The following BMPER variants were observed in gnomAD, a reference collection of about 807,000 sequenced individuals.
BMPER encodes the protein BMP-binding endothelial regulator protein.
BMPER carries 45 observed loss-of-function variants against 87.3 expected under a neutral mutation model. The observed-to-expected ratio is 0.52, with a 90% CI of 0.41 to 0.66. The LOEUF is 0.66. BMPER is among the 30% of genes least tolerant of loss of function. The pLI is 0.00. For synonymous variants in BMPER, 326 were observed against 316.2 expected (o/e 1.03, Z -0.33); for missense variants, 784 against 867.5 (o/e 0.90, Z 1.21).
intron 12 of BMPER, among the ~76,000 whole-genome samples, chr7:34,082,532 G>A (rs1458736817): frequency 6.6e-6 from 1 of 152,074 alleles, no homozygotes; most frequent in Non-Finnish European, 1.5e-5. Context: ...ATAATGGCAA[G>A]GAGAAAGAGG....
intron 6 of BMPER, among the ~76,000 whole-genome samples, chr7:34,040,034 T>C (rs1047881332): frequency 6.6e-6 from 1 of 151,944 alleles, no homozygotes; most frequent in African/African-American, 2.4e-5. Context: ...CCACCACCTC[T>C]AGGGTCGGGG....
At chr7:34,068,225 G>C (rs748470755) in intron 11 of BMPER, among the ~76,000 whole-genome samples, 4 of 152,190 alleles carry the variant, frequency 2.6e-5, no homozygotes, top group Non-Finnish European at 4.4e-5. Context: ...GAGGCTTAGA[G>C]GTTAAGAAGG....
rs543965094 is a variant in BMPER at position 34,126,599 on chromosome 7, T to C, written c.1746-16631T>C. ...TGTGCTGTAGTTGGAAATATATAGG[T>C]GAGAAATTACAACTTTTCCTATTGA... On this transcript the variant is annotated intron_variant, in intron 13 of 14. Transcript: ENST00000649409. 8.3e-4 allele frequency among the ~76,000 whole-genome samples: 127 copies of C among 152,312 alleles called. 2 individuals carry two copies. Among genetic ancestry groups the C allele is most frequent in the African/African-American group, 2.8e-3 (116 of 41,558 alleles).
At chr7:33,912,006 C>T (rs780406633) in intron 2 of BMPER, among the ~76,000 whole-genome samples, 1 of 152,188 alleles carries the variant, frequency 6.6e-6, no homozygotes, top group Admixed American at 6.5e-5. Context: ...GTGAGTTTTT[C>T]TGTCCCTCCA....
intron 3 of BMPER, among the ~76,000 whole-genome samples, chr7:33,942,245 T>C (rs1267001369): frequency 6.6e-6 from 1 of 152,200 alleles, no homozygotes; most frequent in Admixed American, 6.5e-5. Flanking sequence ...GAATGCAGAT[T>C]CCTGGGGCTT....
At chr7:34,129,380 T>C (rs1790488220) in intron 13 of BMPER, among the ~76,000 whole-genome samples, 1 of 151,684 alleles carries the variant, frequency 6.6e-6, no homozygotes, top group East Asian at 1.9e-4. Flanking sequence ...TGCACACTTA[T>C]AGTCCCAGCT....
intron 14 of BMPER, among the ~76,000 whole-genome samples, chr7:34,148,928 G>A (rs1010665858): frequency 6.6e-6 from 1 of 152,216 alleles, no homozygotes; most frequent in Non-Finnish European, 1.5e-5. Flanking sequence ...AGGGCAAGGT[G>A]AGTTCTGAAA....
chr7:33,950,060 CTTTGT>C (rs1784984064), intron 3 of BMPER, among the ~76,000 whole-genome samples: 1 of 152,134 alleles, frequency 6.6e-6, no homozygotes, highest in South Asian at 2.1e-4. Flanking sequence ...TATTCCTGGG[CTTTGT>C]TTTTTAGATT....
chr7:34,097,765 G>A lies in BMPER; in HGVS notation c.1745+11673G>A, dbSNP rs147103240. On this transcript the variant is annotated intron_variant, in intron 13 of 14. Coordinates refer to ENST00000649409, the MANE Select transcript of BMPER (RefSeq NM_001365308.1). ...CCAGATTCCTTTGGGTCACCAAGAG[G>A]ACTTAATTTTCTGAGTCCCTGTTCA... 3.2e-3 allele frequency among the ~76,000 whole-genome samples: 493 copies of A among 152,178 alleles called. 1 individual carries two copies. The highest frequency in any genetic ancestry group is 0.017 in the Middle Eastern group (5 of 294).
intron 11 of BMPER, among the ~76,000 whole-genome samples, chr7:34,074,600 A>G (rs1346105948): frequency 2.6e-5 from 4 of 152,196 alleles, no homozygotes; most frequent in Non-Finnish European, 5.9e-5. Flanking sequence ...TTTGGACTGA[A>G]AAGGTTTAAA....
intron 6 of BMPER, among the ~76,000 whole-genome samples, chr7:33,980,629 C>T (rs1305375773): frequency 6.6e-6 from 1 of 152,188 alleles, no homozygotes; most frequent in African/African-American, 2.4e-5. Flanking sequence ...ACCCCAGGGG[C>T]TCAGTGTTCT....
At chr7:34,021,404 A>G (rs1172597082) in intron 6 of BMPER, among the ~76,000 whole-genome samples, 1 of 152,082 alleles carries the variant, frequency 6.6e-6, no homozygotes, top group Non-Finnish European at 1.5e-5. Flanking sequence ...TTATGTAGTC[A>G]TGACCCTAAG....
intron 6 of BMPER, among the ~76,000 whole-genome samples, chr7:33,999,049 A>G (rs530390761): frequency 6.8e-4 from 104 of 152,350 alleles, no homozygotes; most frequent in African/African-American, 2.5e-3. Flanking sequence ...AAAGTTGGCA[A>G]TGACTATAAA....
intron 13 of BMPER, among the ~76,000 whole-genome samples, chr7:34,096,887 C>A (rs548442893): frequency 3.9e-5 from 6 of 152,232 alleles, no homozygotes; most frequent in South Asian, 4.2e-4. Context: ...AGCATAGATT[C>A]TTTTACAGTT....
chr7:34,050,067 A>G (rs1788107167), intron 7 of BMPER, among the ~76,000 whole-genome samples: 2 of 152,200 alleles, frequency 1.3e-5, no homozygotes, highest in African/African-American at 4.8e-5. Flanking sequence ...TATTTAGGGA[A>G]AGAATGAATT....
At position 34,055,407 on chromosome 7, in the gene BMPER, A is replaced by G; in HGVS notation, c.927+104A>G. The G allele has an allele frequency of 7.8e-6, 11 of 1,415,368 alleles. No homozygotes were observed. The South Asian group carries it at 1.3e-4, about 16-fold the overall frequency. The allele number at this position is 1,415,368 out of a possible 1,614,324, so 87.7% of individuals were successfully genotyped here. ...GGGTTATCCCATAATTTCTATATAC[A>G]TATACAAATGTATATGTGTGCATAT... On this transcript the variant is annotated intron_variant, in intron 9 of 14. Coordinates refer to ENST00000649409, the MANE Select transcript of BMPER (RefSeq NM_001365308.1).
chr7:34,066,639 T>C (rs956463395), intron 11 of BMPER, among the ~76,000 whole-genome samples: 1 of 152,204 alleles, frequency 6.6e-6, no homozygotes, highest in African/African-American at 2.4e-5. Flanking sequence ...ATTTTGTTTA[T>C]GCAAAATGTT....
rs116234568 is a variant in BMPER at position 33,935,250 on chromosome 7, T to A, written c.220-2039T>A. 5.3e-3 allele frequency among the ~76,000 whole-genome samples: 804 copies of A among 152,234 alleles called. 6 individuals are homozygous for A. The highest frequency in any genetic ancestry group is 0.017 in the African/African-American group (697 of 41,528). ...AGCCAGTATGCTTGGCTTCAGATTG[T>A]AGGTCTGCTGTTCACAAAGGGACTG... is the stretch of plus-strand genomic sequence containing the variant. On this transcript the variant is annotated intron_variant, in intron 2 of 14. Transcript: ENST00000649409.
intron 13 of BMPER, among the ~76,000 whole-genome samples, chr7:34,099,435 A>G (rs916673094): frequency 6.6e-6 from 1 of 152,184 alleles, no homozygotes; most frequent in Non-Finnish European, 1.5e-5. Flanking sequence ...TTTTTCTTGT[A>G]AAAGATTTTT....
Sources: gnomAD v4.1 joint callset for allele counts (sites outside exome capture counted in the v4.1 genomes callset) on GRCh38, gnomAD v4.1.1 for gene constraint, MANE v1.5 for transcripts, NCBI Gene and HGNC (gene_info 2026-07-23, HGNC 2026-07-21) for gene names.